The following CELF4 variants were observed in gnomAD, a reference collection of about 807,000 sequenced individuals.
The protein encoded by CELF4 is CUG-BP- and ETR-3-like factor 4.
Under a neutral mutation model 59.9 loss-of-function variants are expected in CELF4, and 18 were observed. The ratio of observed to expected loss-of-function variants is 0.30; its 90% CI spans 0.21 to 0.45. CELF4 has a LOEUF of 0.45. Among genes scored for constraint, CELF4 ranks in the 20% least tolerant of loss-of-function variants. CELF4 has a pLI of 1.00. For missense variants in CELF4, 456 were observed against 689.0 expected (o/e 0.66, Z 3.79); for synonymous variants, 261 against 267.1 (o/e 0.98, Z 0.22).
chr18:37,402,981 G>C (rs2099347799), intron 2 of CELF4, among the ~76,000 whole-genome samples: 1 of 152,202 alleles, frequency 6.6e-6, no homozygotes, highest in Non-Finnish European at 1.5e-5. Flanking sequence ...GCCCCATGTG[G>C]CTTCTTGTGG....
chr18:37,254,042 T>C lies in CELF4; in HGVS notation c.1334-104A>G. ...CAGGGGGGCGGGGCGGGCCTGAGGC[T>C]CTCCCCCTCGGGCCCCGCCCCCGGC... is the stretch of plus-strand genomic sequence containing the variant. On this transcript the variant is annotated intron_variant, in intron 11 of 12. Coordinates refer to ENST00000420428, the MANE Select transcript of CELF4 (RefSeq NM_020180.4). This position sits in a 1 kb window ranked among gnomAD's most constrained non-coding sequence, Gnocchi z 5.1. 1 of 808,810 alleles carries C rather than the reference T, an allele frequency of 1.2e-6. No homozygotes were observed. 50.1% of individuals were successfully genotyped at this position (808,810 alleles called of 1,614,324 possible).
intron 1 of CELF4, among the ~76,000 whole-genome samples, chr18:37,549,839 T>C (rs1489556292): frequency 6.6e-6 from 1 of 152,172 alleles, no homozygotes; most frequent in African/African-American, 2.4e-5. Flanking sequence ...AACCTATCAC[T>C]TAATCTGGTA....
intron 1 of CELF4, among the ~76,000 whole-genome samples, chr18:37,559,097 C>T (rs1235639482): frequency 6.6e-6 from 1 of 152,126 alleles, no homozygotes; most frequent in East Asian, 1.9e-4. Flanking sequence ...CACACCTTCA[C>T]ACCAGGACTT....
At chr18:37,267,696 C>T (rs2078340628) in intron 8 of CELF4, among the ~76,000 whole-genome samples, 1 of 152,188 alleles carries the variant, frequency 6.6e-6, no homozygotes, top group South Asian at 2.1e-4. Context: ...CTCAACTTCC[C>T]TCCTGAGCAC....
chr18:37,277,842 C>T (rs985939029), intron 3 of CELF4, among the ~76,000 whole-genome samples: 18 of 152,114 alleles, frequency 1.2e-4, no homozygotes, highest in Non-Finnish European at 2.1e-4. Context: ...AATGGAACCC[C>T]GCCCCTGCTA....
intron 2 of CELF4, among the ~76,000 whole-genome samples, chr18:37,457,095 T>G (rs558324460): frequency 6.6e-6 from 1 of 152,310 alleles, no homozygotes; most frequent in East Asian, 1.9e-4. Flanking sequence ...AGGTGGCTGC[T>G]TCTATCACTG....
At chr18:37,333,046 A>T (rs2097605198) in intron 2 of CELF4, among the ~76,000 whole-genome samples, 1 of 152,094 alleles carries the variant, frequency 6.6e-6, no homozygotes, top group South Asian at 2.1e-4. Context: ...AGGGTGGGGG[A>T]GTGAGGGTGT....
rs548588212 is a variant in CELF4, at chr18:37,537,056, A to G, written c.286+28300T>C. Reference sequence around the variant, plus strand: ...ACCCATCCTCAGCCTGGCTTTCCCGACCCTTCTGGCCACTCAGCCCTTACC... The same window carrying G: ...ACCCATCCTCAGCCTGGCTTTCCCGGCCCTTCTGGCCACTCAGCCCTTACC... On this transcript the variant is annotated intron_variant, in intron 1 of 12. Coordinates refer to ENST00000420428, the MANE Select transcript of CELF4 (RefSeq NM_020180.4). Among the ~76,000 whole-genome samples the G allele has an allele frequency of 6.1e-3, 926 of 151,856 alleles. 5 individuals carry two copies. The highest frequency in any genetic ancestry group is 8.5e-3 in the Non-Finnish European group (576 of 67,908).
chr18:37,243,219 C>A lies in CELF4; in HGVS notation c.*2023G>T, dbSNP rs1599673622. 1 of 114,768 alleles carries A rather than the reference C, an allele frequency of 8.7e-6. No individual in the cohort carries two copies. The highest frequency in any genetic ancestry group is 1.1e-4 in the Admixed American group (1 of 9,456). The allele number at this position is 114,768 out of a possible 1,614,324, so 7.1% of individuals were successfully genotyped here. A position where few individuals can be genotyped will look rare whatever the true frequency, so the allele number is the denominator to read the frequency against. ...TTTTTTTTTTTTTACATCTGGACAT[C>A]CTAAAAGGAGGAGTCAAGAGAAAAA... On this transcript the variant is annotated 3_prime_UTR_variant, in exon 13 of 13. Transcript: ENST00000420428.
chr18:37,561,811 C>T (rs2099986622), intron 1 of CELF4, among the ~76,000 whole-genome samples: 1 of 152,196 alleles, frequency 6.6e-6, no homozygotes, highest in South Asian at 2.1e-4. Flanking sequence ...CTCATTTCTG[C>T]TGCTACCCGA....
intron 2 of CELF4, among the ~76,000 whole-genome samples, chr18:37,424,667 G>A (rs549523692): frequency 6.6e-6 from 1 of 152,304 alleles, no homozygotes; most frequent in Admixed American, 6.5e-5. Context: ...CACAGGATCA[G>A]AGGCCGAGGG....
chr18:37,535,858 C>G (rs187752253), intron 1 of CELF4, among the ~76,000 whole-genome samples: 48 of 152,312 alleles, frequency 3.2e-4, no homozygotes, highest in Admixed American at 1.7e-3. Context: ...TAAAAAGGAC[C>G]TTGCTAACCT....
At chr18:37,350,151 C>T (rs1459788716) in intron 2 of CELF4, among the ~76,000 whole-genome samples, 1 of 152,094 alleles carries the variant, frequency 6.6e-6, no homozygotes, top group African/African-American at 2.4e-5. Context: ...GGGCCTTCAG[C>T]AACCAGGGAC....
intron 10 of CELF4, among the ~76,000 whole-genome samples, chr18:37,264,245 C>G (rs926295176): frequency 6.6e-6 from 1 of 152,208 alleles, no homozygotes; most frequent in South Asian, 2.1e-4. Context: ...CTAACCTCTG[C>G]TAGGTTCTGC....
rs1016772303 is a variant in CELF4, at chr18:37,245,357, A to G, written c.*45-160T>C. Among the ~76,000 whole-genome samples, 1 of 152,102 alleles carries G rather than the reference A, an allele frequency of 6.6e-6. No homozygotes were observed. The highest frequency in any genetic ancestry group is 1.5e-5 in the Non-Finnish European group (1 of 68,026). On this transcript the variant is annotated intron_variant, in intron 12 of 12. Transcript: ENST00000420428. This position sits in a 1 kb window ranked among gnomAD's most constrained non-coding sequence, Gnocchi z 4.1. ...TATGAGAATTAGTCATGATCATGAT[A>G]CATTAAAAAGAAATATACTCTTCTA...
chr18:37,351,344 G>T (rs529794636), intron 2 of CELF4, among the ~76,000 whole-genome samples: 25 of 152,232 alleles, frequency 1.6e-4, no homozygotes, highest in Non-Finnish European at 3.2e-4. Flanking sequence ...TTATGTACAT[G>T]TGGCCTCCTC....
intron 2 of CELF4, among the ~76,000 whole-genome samples, chr18:37,348,681 A>AAAC (rs1024900532): frequency 9.0e-4 from 136 of 151,932 alleles, no homozygotes; most frequent in Non-Finnish European, 1.1e-3. Flanking sequence ...CTATCCTCCA[A>AAAC]AACAACAACA....
chr18:37,338,772 G>GTGTGTGTGTGTGTGTGTGTT (rs2097874584), intron 2 of CELF4, among the ~76,000 whole-genome samples: 1 of 151,374 alleles, frequency 6.6e-6, no homozygotes, highest in Non-Finnish European at 1.5e-5. Flanking sequence ...GTGTGTGTGT[G>GTGTGTGTGTGTGTGTGTGTT]TGTGTGTGTG....
intron 1 of CELF4, among the ~76,000 whole-genome samples, chr18:37,509,159 C>CA (rs5824068): frequency 0.87 from 132,977 of 152,226 alleles, 58,782 homozygotes; most frequent in East Asian, 0.97. Context: ...AGAATGTTAT[C>CA]ACTTTATATC....
Sources: gnomAD v4.1 joint callset for allele counts (sites outside exome capture counted in the v4.1 genomes callset) on GRCh38, gnomAD v4.1.1 for gene constraint, Gnocchi (gnomAD v3.1) non-coding constraint, MANE v1.5 for transcripts, NCBI Gene and HGNC (gene_info 2026-07-23, HGNC 2026-07-21) for gene names.